Variants in MEGF9 observed in about 807,000 individuals in gnomAD.
MEGF9 encodes multiple EGF like domains 9.
In MEGF9, 6 loss-of-function variants were observed where a neutral mutation model predicts 46.8. The observed-to-expected ratio is 0.13, with a 90% confidence interval of 0.07 to 0.25. MEGF9 has a LOEUF of 0.25. MEGF9 is among the 10% of genes least tolerant of loss of function. The pLI, the probability that MEGF9 is intolerant of heterozygous loss-of-function variation, is 1.00. For missense variants in MEGF9, 683 were observed against 792.4 expected (o/e 0.86, Z 1.66); for synonymous variants, 302 against 330.7 (o/e 0.91, Z 0.94).
Position 120,680,820 on chromosome 9 carries a change from C to T in MEGF9, c.602-21245G>A, listed in dbSNP as rs547934648. 2.6e-5 allele frequency among the ~76,000 whole-genome samples: 4 copies of T among 152,296 alleles called. No individual in the cohort carries two copies. In the East Asian group the frequency reaches 5.8e-4, roughly 22 times the overall value. On this transcript the variant is annotated intron_variant, in intron 1 of 5. Transcript: ENST00000373930. ...AGCCTCTTCCTGTGGCCACCACCAC[C>T]ACTGGTTCTGCCAGGCCACTGTCGA... is the stretch of plus-strand genomic sequence containing the variant.
rs2043395581 is a variant in MEGF9, at chr9:120,601,448, A to C, written c.*3742T>G. The C allele has an allele frequency of 6.6e-6, 1 of 152,244 alleles. No individual in the cohort carries two copies. The highest frequency in any genetic ancestry group is 1.5e-5 in the Non-Finnish European group (1 of 68,046). 9.4% of individuals were successfully genotyped at this position (152,244 alleles called of 1,614,324 possible). ...TTTCTACTCCCAAAACAGCACTTAA[A>C]GGGTTAAATATCCTGATGGTACTCA... On this transcript the variant is annotated 3_prime_UTR_variant, in exon 6 of 6. Coordinates refer to ENST00000373930, the MANE Select transcript of MEGF9 (RefSeq NM_001080497.3).
Position 120,604,990 on chromosome 9 carries a change from A to G in MEGF9, c.*200T>C, listed in dbSNP as rs2043413927. Reference sequence around the variant, plus strand: ...ATATACTTTACTTCAAGTCCTAATGACAGTGAACGCTTCAGATCTTCATGG... The same window carrying G: ...ATATACTTTACTTCAAGTCCTAATGGCAGTGAACGCTTCAGATCTTCATGG... On this transcript the variant is annotated 3_prime_UTR_variant, in exon 6 of 6. Coordinates refer to ENST00000373930, the MANE Select transcript of MEGF9 (RefSeq NM_001080497.3). 1 of 599,702 alleles carries G rather than the reference A, an allele frequency of 1.7e-6. No individual in the cohort carries two copies. The highest frequency in any genetic ancestry group is 2.9e-6 in the Non-Finnish European group (1 of 343,752). 37.1% of individuals were successfully genotyped at this position (599,702 alleles called of 1,614,324 possible).
intron 4 of MEGF9, among the ~76,000 whole-genome samples, chr9:120,611,865 A>AGGAAGGAAGGAAGAGAGAG (rs572613293): frequency 8.7e-5 from 12 of 137,222 alleles, no homozygotes; most frequent in African/African-American, 3.2e-4. Flanking sequence ...GGAAGGAAGA[A>AGGAAGGAAGGAAGAGAGAG]AGAGAGAGAG....
chr9:120,646,445 C>T (rs754846181), intron 2 of MEGF9, among the ~76,000 whole-genome samples: 3 of 152,136 alleles, frequency 2.0e-5, no homozygotes, highest in Admixed American at 2.0e-4. Flanking sequence ...CTTCAGTAAG[C>T]CCATCTCTGA....
intron 1 of MEGF9, among the ~76,000 whole-genome samples, chr9:120,678,227 T>A (rs1266837659): frequency 6.6e-6 from 1 of 152,230 alleles, no homozygotes; most frequent in Non-Finnish European, 1.5e-5. Context: ...AAATCTTGGC[T>A]ATTATGAACA....
At position 120,631,145 on chromosome 9, in the gene MEGF9, C is replaced by T. The variant is rs556594913; in HGVS notation, c.804-8390G>A. Among the ~76,000 whole-genome samples the T allele has an allele frequency of 3.3e-5, 5 of 152,170 alleles. No individual in the cohort carries two copies. The South Asian group carries it at 6.2e-4, about 19-fold the overall frequency. Reference sequence around the variant, plus strand: ...TTTAGTTCTTTAGTCAATTTGGAAACGATTTTTGTATATGGTGAGAGATAA... The same window carrying T: ...TTTAGTTCTTTAGTCAATTTGGAAATGATTTTTGTATATGGTGAGAGATAA... On this transcript the variant is annotated intron_variant, in intron 2 of 5. Transcript: ENST00000373930.
chr9:120,632,632 T>C lies in MEGF9; in HGVS notation c.804-9877A>G, dbSNP rs141439818. Among the ~76,000 whole-genome samples, 647 of 152,340 alleles carry C rather than the reference T, an allele frequency of 4.2e-3. 5 individuals carry two copies. The highest frequency in any genetic ancestry group is 0.015 in the African/African-American group (611 of 41,582). On this transcript the variant is annotated intron_variant, in intron 2 of 5. Coordinates refer to ENST00000373930, the MANE Select transcript of MEGF9 (RefSeq NM_001080497.3). ...TCTGGCTAGCACTTCTGGTATTATG[T>C]TGAATAGGAGTGGTGAAAGTGGGCA...
At chr9:120,692,254 C>T (rs1284005371) in intron 1 of MEGF9, among the ~76,000 whole-genome samples, 3 of 152,162 alleles carry the variant, frequency 2.0e-5, no homozygotes, top group Non-Finnish European at 4.4e-5. Context: ...TCAAGAGGTC[C>T]AGCACCAATT....
intron 1 of MEGF9, among the ~76,000 whole-genome samples, chr9:120,687,717 T>A (rs2043829613): frequency 6.7e-6 from 1 of 149,058 alleles, no homozygotes; most frequent in Non-Finnish European, 1.5e-5. Flanking sequence ...TGTAAACATT[T>A]TTAAATGCAT....
At chr9:120,615,499 G>T (rs1370778393) in intron 3 of MEGF9, among the ~76,000 whole-genome samples, 3 of 151,460 alleles carry the variant, frequency 2.0e-5, no homozygotes, top group African/African-American at 7.3e-5. Context: ...ATTTGTGTTT[G>T]TTTTTTGGCC....
At chr9:120,655,467 G>A (rs7019085) in intron 2 of MEGF9, among the ~76,000 whole-genome samples, 15 of 152,182 alleles carry the variant, frequency 9.9e-5, no homozygotes, top group African/African-American at 3.1e-4. Flanking sequence ...GATGCTGTGT[G>A]ACAATGAAAT....
At chr9:120,688,103 T>C (rs2043831506) in intron 1 of MEGF9, among the ~76,000 whole-genome samples, 1 of 151,098 alleles carries the variant, frequency 6.6e-6, no homozygotes. Flanking sequence ...ATCTGACTTA[T>C]CTCTGAATGC....
intron 2 of MEGF9, among the ~76,000 whole-genome samples, chr9:120,655,152 A>G (rs1433913417): frequency 6.6e-6 from 1 of 152,198 alleles, no homozygotes; most frequent in East Asian, 1.9e-4. Context: ...GTAGTGTACA[A>G]TAATATCCTA....
chr9:120,689,861 T>C (rs187825102), intron 1 of MEGF9: 1 of 484,486 alleles, frequency 2.1e-6, no homozygotes, highest in East Asian at 6.2e-5. Context: ...GCACCTTTAC[T>C]TGCACATTAT....
At chr9:120,711,836 T>TACACACACAC (rs769570972) in intron 1 of MEGF9, among the ~76,000 whole-genome samples, 113 of 56,502 alleles carry the variant, frequency 2.0e-3, no homozygotes, top group African/African-American at 5.1e-3. Flanking sequence ...TTTCTATACA[T>TACACACACAC]ACATACATAC....
intron 1 of MEGF9, among the ~76,000 whole-genome samples, chr9:120,676,661 T>C (rs568906139): frequency 1.3e-5 from 2 of 152,354 alleles, no homozygotes; most frequent in Non-Finnish European, 2.9e-5. Context: ...ACAACAGATA[T>C]AATTCTGGGT....
chr9:120,647,394 C>G (rs2132316131), intron 2 of MEGF9, among the ~76,000 whole-genome samples: 1 of 152,224 alleles, frequency 6.6e-6, no homozygotes. Flanking sequence ...TTTCCATGAA[C>G]TTAACATACT....
intron 1 of MEGF9, among the ~76,000 whole-genome samples, chr9:120,675,585 C>A (rs1332524593): frequency 6.7e-6 from 1 of 150,266 alleles, no homozygotes; most frequent in Non-Finnish European, 1.5e-5. Context: ...AGAGTGAGAC[C>A]CTGTCTCAAA....
chr9:120,632,807 T>C (rs898773266), intron 2 of MEGF9, among the ~76,000 whole-genome samples: 2 of 152,254 alleles, frequency 1.3e-5, no homozygotes, highest in Admixed American at 6.5e-5. Flanking sequence ...CGAAGGAATG[T>C]TGAATTTTAT....
Sources: allele counts gnomAD v4.1 joint callset (sites outside exome capture counted in the v4.1 genomes callset), GRCh38; gene constraint gnomAD v4.1.1; transcripts MANE v1.5; gene names NCBI Gene and HGNC (gene_info 2026-07-23, HGNC 2026-07-21).